The following SH3D19 variants were observed in gnomAD, a reference collection of about 807,000 sequenced individuals.
The protein encoded by SH3D19 is SH3 domain containing 19.
In SH3D19, 58 loss-of-function variants were observed where a neutral mutation model predicts 112.1. That is an observed-to-expected ratio of 0.52 (90% confidence interval 0.42 to 0.64). The LOEUF (loss-of-function observed/expected upper bound fraction) is 0.64, where lower values mean the gene tolerates loss of function less well. Among genes scored for constraint, SH3D19 ranks in the 30% least tolerant of loss-of-function variants. SH3D19 has a pLI of 0.00. For missense variants in SH3D19, 1,090 were observed against 1,263.4 expected (o/e 0.86, Z 2.08); for synonymous variants, 391 against 448.5 (o/e 0.87, Z 1.62).
chr4:151,274,838 G>T (rs751143602), intron 1 of SH3D19, among the ~76,000 whole-genome samples: 1 of 152,150 alleles, frequency 6.6e-6, no homozygotes, highest in Non-Finnish European at 1.5e-5. Context: ...CAAGATCAAG[G>T]TATCAGCATG....
intron 19 of SH3D19, among the ~76,000 whole-genome samples, chr4:151,122,447 CTT>C (rs1748140565): frequency 6.6e-6 from 1 of 151,918 alleles, no homozygotes; most frequent in Admixed American, 6.6e-5. Context: ...CCCTCTTATA[CTT>C]TGTGCCTCTC....
intron 1 of SH3D19, among the ~76,000 whole-genome samples, chr4:151,235,605 G>A (rs1769977487): frequency 6.6e-6 from 1 of 152,146 alleles, no homozygotes; most frequent in Non-Finnish European, 1.5e-5. Flanking sequence ...GGCCAACATG[G>A]TGAAAACCTG....
At chr4:151,185,100 C>A (rs1761576607) in intron 3 of SH3D19, among the ~76,000 whole-genome samples, 3 of 131,956 alleles carry the variant, frequency 2.3e-5, no homozygotes, top group African/African-American at 8.4e-5. Context: ...GCTTTTATTG[C>A]CCATGTCTTC....
intron 1 of SH3D19, chr4:151,277,329 G>C: frequency 1.1e-6 from 1 of 881,484 alleles, no homozygotes; most frequent in Non-Finnish European, 1.6e-6. Context: ...TTAGTTATGA[G>C]TAGCACAGCC....
chr4:151,282,277 C>T (rs760837216), intron 1 of SH3D19: 38 of 1,613,838 alleles, frequency 2.4e-5, no homozygotes, highest in African/African-American at 1.2e-4. Context: ...CGGCAGACGT[C>T]GCCTTGTTGA....
In SH3D19 at chr4:151,143,949, A is replaced by T. The variant is rs147950089; in HGVS notation, c.2184T>A (p.Ile728=). 6.2e-7 allele frequency: 1 copy of T among 1,613,932 alleles called. No individual in the cohort carries two copies. The highest frequency in any genetic ancestry group is 1.3e-5 in the African/African-American group (1 of 75,028). Reference sequence around the variant, plus strand: ...TAAGATGTTCATCAAGTGGAGTGATAATCTTCATTTGAGACAGGTGAACTC... The same window carrying T: ...TAAGATGTTCATCAAGTGGAGTGATTATCTTCATTTGAGACAGGTGAACTC... The part of the protein sequence containing the change: ...TGRVHLSQMK[I]ITPLDEHLRS... The change falls in exon 12 of 20, where the codon ATT becomes ATA. Residue 728 remains isoleucine, a synonymous_variant. Coordinates refer to ENST00000604030, the MANE Select transcript of SH3D19 (RefSeq NM_001378122.1).
intron 9 of SH3D19, among the ~76,000 whole-genome samples, chr4:151,158,501 T>C (rs762371900): frequency 2.0e-5 from 3 of 152,064 alleles, no homozygotes; most frequent in African/African-American, 4.8e-5. Context: ...GGTTTCACCA[T>C]GTTAACCAGG....
At chr4:151,225,881 A>C (rs1157741533) in intron 2 of SH3D19, among the ~76,000 whole-genome samples, 166 bp downstream of exon 2, 4 of 152,192 alleles carry the variant, frequency 2.6e-5, no homozygotes, top group Non-Finnish European at 5.9e-5. Flanking sequence ...TTTTATGTGA[A>C]ATTTTAATTC....
intron 1 of SH3D19, among the ~76,000 whole-genome samples, chr4:151,266,911 A>G (rs1334943556): frequency 6.6e-6 from 1 of 152,208 alleles, no homozygotes; most frequent in Admixed American, 6.5e-5. Context: ...CCCCGTTTAC[A>G]AATGAAATAA....
chr4:151,282,483 G>C, intron 1 of SH3D19: 2 of 1,504,310 alleles, frequency 1.3e-6, no homozygotes, highest in Non-Finnish European at 1.8e-6. Context: ...TCATATTCTA[G>C]GCATATCCTT....
Position 151,133,242 on chromosome 4 carries a change from T to A in SH3D19, c.2487-6A>T, listed in dbSNP as rs758336314. 5.0e-6 allele frequency: 8 copies of A among 1,613,648 alleles called. No individual in the cohort carries two copies. Among genetic ancestry groups the A allele is most frequent in the Non-Finnish European group, 5.9e-6 (7 of 1,179,642 alleles). ...GAGCAACACATCTTGAGCCTCTGAA[T>A]GAAGAACACATTTTGTGGATTAGAC... On this transcript the variant is annotated splice_region_variant and splice_polypyrimidine_tract_variant and intron_variant, in intron 15 of 19. Transcript: ENST00000604030.
intron 1 of SH3D19, among the ~76,000 whole-genome samples, chr4:151,232,483 C>T (rs1448537064): frequency 6.6e-6 from 1 of 152,156 alleles, no homozygotes; most frequent in Non-Finnish European, 1.5e-5. Context: ...ATGTCAGCTG[C>T]CGTCATGTTG....
chr4:151,132,319 C>A lies in SH3D19; in HGVS notation c.2742+12G>T. 1 of 1,613,536 alleles carries A rather than the reference C, an allele frequency of 6.2e-7. No individual in the cohort carries two copies. The highest frequency in any genetic ancestry group is 1.1e-5 in the South Asian group (1 of 91,042). On this transcript the variant is annotated intron_variant, in intron 17 of 19. Transcript: ENST00000604030. Reference sequence around the variant, plus strand: ...CTGGCTGTCACTATAGTCATCTGTTCAAGCAGCCTACCTGAGAGTTTGAGC... The same window carrying A: ...CTGGCTGTCACTATAGTCATCTGTTAAAGCAGCCTACCTGAGAGTTTGAGC...
chr4:151,228,318 T>A (rs1769300172), intron 1 of SH3D19, among the ~76,000 whole-genome samples: 1 of 152,192 alleles, frequency 6.6e-6, no homozygotes, highest in African/African-American at 2.4e-5. Flanking sequence ...AAGGGTAAAT[T>A]ATCCATTACT....
At chr4:151,225,313 CATAGTACTGGGTTACAA>C (rs1768811309) in intron 2 of SH3D19, among the ~76,000 whole-genome samples, 1 of 152,162 alleles carries the variant, frequency 6.6e-6, no homozygotes, top group African/African-American at 2.4e-5. Context: ...TATAATCTTT[CATAGTACTGGGTTACAA>C]ATATTAAATA....
At chr4:151,226,411 A>G (rs2149949528) in intron 1 of SH3D19, 1 of 1,022,416 alleles carries the variant, frequency 9.8e-7, no homozygotes, top group East Asian at 8.4e-5. Context: ...AAAGAAAGCA[A>G]GGAAACTGCA....
intron 1 of SH3D19, among the ~76,000 whole-genome samples, chr4:151,232,575 TCA>T (rs1320344420): frequency 6.6e-6 from 1 of 152,192 alleles, no homozygotes; most frequent in Non-Finnish European, 1.5e-5. Context: ...TCCCTAAGCC[TCA>T]GTTTTCTCAT....
intron 19 of SH3D19, among the ~76,000 whole-genome samples, chr4:151,125,467 GAAACA>G (rs140748469): frequency 5.2e-4 from 56 of 106,884 alleles, no homozygotes; most frequent in Middle Eastern, 4.6e-3. Context: ...CCCTGTCTCA[GAAACA>G]AAACAAAACA....
intron 1 of SH3D19, among the ~76,000 whole-genome samples, chr4:151,239,383 G>T (rs1322201071): frequency 6.6e-6 from 1 of 152,128 alleles, no homozygotes; most frequent in East Asian, 1.9e-4. Context: ...CTGGAGATCA[G>T]CTGAGCTAAA....
Sources: allele counts gnomAD v4.1 joint callset (sites outside exome capture counted in the v4.1 genomes callset), GRCh38; gene constraint gnomAD v4.1.1; transcripts MANE v1.5; gene names NCBI Gene and HGNC (gene_info 2026-07-23, HGNC 2026-07-21).